TAFA2: variants seen among roughly 807,000 people sequenced by gnomAD.
TAFA2 encodes chemokine-like protein TAFA-2.
TAFA2 carries 7 observed loss-of-function variants against 18.8 expected under a neutral mutation model. That is an observed-to-expected ratio of 0.37 (90% CI 0.21 to 0.70). The LOEUF is 0.70. Among genes scored for constraint, TAFA2 ranks in the 30% least tolerant of loss-of-function variants. The pLI is 0.53. For missense variants in TAFA2, 122 were observed against 158.1 expected, an observed-to-expected ratio of 0.77 and a Z score of 1.23; for synonymous variants, 60 against 54.2, an observed-to-expected ratio of 1.11 and a Z score of -0.47.
rs78480268 is a variant in TAFA2, at chr12:62,047,258, C to T, written c.-2+144001G>A. On this transcript the variant is annotated intron_variant, in intron 1 of 4. Coordinates refer to ENST00000416284, the MANE Select transcript of TAFA2 (RefSeq NM_178539.5). ...AGAAAGAAGAGCAAACAAAGGAAGG[C>T]TAGGTCGCAGAAAGCCTGGAGTTTA... 2.2e-4 allele frequency among the ~76,000 whole-genome samples: 33 copies of T among 152,080 alleles called. 1 individual carries two copies. The East Asian group carries it at 5.6e-3, about 26-fold the overall frequency.
intron 1 of TAFA2, among the ~76,000 whole-genome samples, chr12:62,151,488 C>A (rs1423607912): frequency 6.6e-6 from 1 of 152,182 alleles, no homozygotes; most frequent in Non-Finnish European, 1.5e-5. Flanking sequence ...CCCGGAATGA[C>A]AATATATATG....
intron 1 of TAFA2, among the ~76,000 whole-genome samples, chr12:61,995,041 C>T (rs1880138508): frequency 6.6e-6 from 1 of 152,186 alleles, no homozygotes; most frequent in Admixed American, 6.5e-5. Flanking sequence ...CAAGAGTGTT[C>T]CTATTAACAT....
chr12:62,212,689 A>G (rs574890719), intron 1 of TAFA2, among the ~76,000 whole-genome samples: 1 of 152,356 alleles, frequency 6.6e-6, no homozygotes, highest in African/African-American at 2.4e-5. Context: ...TCTGCCGAAA[A>G]AAGGTACTAA....
chr12:62,167,403 C>T (rs905783012), intron 1 of TAFA2, among the ~76,000 whole-genome samples: 5 of 152,116 alleles, frequency 3.3e-5, no homozygotes, highest in African/African-American at 4.8e-5. Flanking sequence ...ACTAATGTTA[C>T]GTGCTTTTAG....
At chr12:61,945,936 C>T (rs1240421320) in intron 1 of TAFA2, among the ~76,000 whole-genome samples, 2 of 148,612 alleles carry the variant, frequency 1.3e-5, no homozygotes, top group Non-Finnish European at 3.0e-5. Context: ...TGACTTTCTT[C>T]ACAGAATTGG....
At chr12:61,755,543 A>G (rs1453085014) in intron 2 of TAFA2, among the ~76,000 whole-genome samples, 3 of 152,062 alleles carry the variant, frequency 2.0e-5, no homozygotes, top group African/African-American at 4.8e-5. Context: ...GTTTCCCTGA[A>G]AATGAACAAA....
chr12:61,966,114 T>C (rs1879057027), intron 1 of TAFA2, among the ~76,000 whole-genome samples: 1 of 151,882 alleles, frequency 6.6e-6, no homozygotes, highest in Non-Finnish European at 1.5e-5. Flanking sequence ...CCGTTTTACT[T>C]TCCCATCTAC....
chr12:61,746,045 T>C (rs891552053), intron 4 of TAFA2, among the ~76,000 whole-genome samples: 7 of 151,984 alleles, frequency 4.6e-5, no homozygotes, highest in African/African-American at 1.7e-4. Context: ...ACCTTGGTAA[T>C]ATGGTTTAGT....
chr12:62,076,841 G>T (rs1043663800), intron 1 of TAFA2, among the ~76,000 whole-genome samples: 1 of 152,142 alleles, frequency 6.6e-6, no homozygotes, highest in Non-Finnish European at 1.5e-5. Context: ...CTTCTTTGAA[G>T]GCCCTGGAGA....
intron 1 of TAFA2, chr12:62,234,408 G>C (rs1461180453): frequency 9.9e-6 from 7 of 707,320 alleles, no homozygotes; most frequent in Admixed American, 1.8e-5. Flanking sequence ...GAACAGGACC[G>C]TCCTGCTGTC....
At chr12:62,045,504 AAAGCAAAGTGCT>A (rs1881886693) in intron 1 of TAFA2, among the ~76,000 whole-genome samples, 5 of 152,204 alleles carry the variant, frequency 3.3e-5, no homozygotes, top group African/African-American at 1.2e-4. Context: ...GCTTTCTGTC[AAAGCAAAGTGCT>A]GTGGATTCTG....
intron 4 of TAFA2, among the ~76,000 whole-genome samples, chr12:61,720,207 G>T (rs777158257): frequency 2.0e-5 from 3 of 151,978 alleles, no homozygotes; most frequent in Non-Finnish European, 4.4e-5. Flanking sequence ...CAATTATGGG[G>T]CAATTTAAAT....
At chr12:61,968,103 T>C (rs1458900447) in intron 1 of TAFA2, among the ~76,000 whole-genome samples, 2 of 151,852 alleles carry the variant, frequency 1.3e-5, no homozygotes, top group African/African-American at 4.8e-5. Context: ...TTAGATGCTC[T>C]TCTAGATAGC....
intron 2 of TAFA2, among the ~76,000 whole-genome samples, chr12:61,862,621 T>C (rs1475526579): frequency 6.6e-6 from 1 of 152,178 alleles, no homozygotes; most frequent in Admixed American, 6.5e-5. Flanking sequence ...CATTTACTTG[T>C]TCCATAATGA....
At chr12:62,187,560 C>G (rs1159219681) in intron 1 of TAFA2, among the ~76,000 whole-genome samples, 1 of 152,114 alleles carries the variant, frequency 6.6e-6, no homozygotes, top group Non-Finnish European at 1.5e-5. Context: ...TTAGGTACTA[C>G]AGAGAAATAT....
At chr12:61,985,843 TTC>T (rs1879793643) in intron 1 of TAFA2, among the ~76,000 whole-genome samples, 1 of 152,208 alleles carries the variant, frequency 6.6e-6, no homozygotes, top group Non-Finnish European at 1.5e-5. Flanking sequence ...TAAAATGATT[TTC>T]TGATTGCTAT....
chr12:62,235,518 A>G, intron 1 of TAFA2: 1 of 524,572 alleles, frequency 1.9e-6, no homozygotes, highest in South Asian at 2.3e-5. Flanking sequence ...CTGTACATGA[A>G]GACTAGGTGG....
At chr12:62,018,926 C>G (rs190281305) in intron 1 of TAFA2, among the ~76,000 whole-genome samples, 2 of 152,204 alleles carry the variant, frequency 1.3e-5, no homozygotes, top group Non-Finnish European at 2.9e-5. Flanking sequence ...CTCTACTCAT[C>G]TGACAAAGGG....
intron 1 of TAFA2, among the ~76,000 whole-genome samples, chr12:62,128,722 T>A (rs1346531623): frequency 6.6e-6 from 1 of 152,016 alleles, no homozygotes; most frequent in Non-Finnish European, 1.5e-5. Context: ...ATATTAGGTG[T>A]TTAATATGTG....
Sources: allele counts gnomAD v4.1 joint callset (sites outside exome capture counted in the v4.1 genomes callset), GRCh38; gene constraint gnomAD v4.1.1; transcripts MANE v1.5; gene names NCBI Gene and HGNC (gene_info 2026-07-23, HGNC 2026-07-21).